Variants in CLDN22 observed in about 807,000 individuals in gnomAD.
The protein encoded by CLDN22 is claudin 22.
For missense variants in CLDN22, 227 were observed against 252.2 expected (o/e 0.90, Z 0.68); for synonymous variants, 86 against 107.9 (o/e 0.80, Z 1.26).
chr4:183,319,757 T>G lies in CLDN22; in HGVS notation c.462A>C (p.Pro154=), dbSNP rs1739572922. ...CAAACTCCCACCTGGGGACAAAGTC[T>G]GGGACGTTCTCATCCCAGAACTCCT... ...TVQEFWDENV[P]DFVPRWEFGE... is the part of the protein sequence containing the mutation. The change falls in exon 1 of 1, where the codon CCA becomes CCC. Residue 154 remains proline (P), a synonymous_variant. Transcript: ENST00000323319. 9 of 1,613,976 alleles carry G rather than the reference T, an allele frequency of 5.6e-6. No homozygotes were observed. The highest frequency in any genetic ancestry group is 7.6e-6 in the Non-Finnish European group (9 of 1,179,910).
At position 183,318,138 on chromosome 4, in the gene CLDN22, A is replaced by T. The variant is rs1055619746; in HGVS notation, c.*1418T>A. The T allele has an allele frequency of 2.0e-5, 3 of 152,448 alleles. No homozygotes were observed. Among genetic ancestry groups the T allele is most frequent in the African/African-American group, 7.2e-5 (3 of 41,446 alleles). 9.4% of individuals were successfully genotyped at this position (152,448 alleles called of 1,614,324 possible). ...TAGAATTTATTCGCACAGGGTAAAA[A>T]GAATGTAATATTTAGTTCTCAAGTT... On this transcript the variant is annotated 3_prime_UTR_variant, in exon 1 of 1. Coordinates refer to ENST00000323319, the MANE Select transcript of CLDN22 (RefSeq NM_001111319.3).
Position 183,319,498 on chromosome 4 carries a change from T to C in CLDN22, c.*58A>G. ...GTGAGATGACTAGAGCGGGACATCCTACCAAATCCAGTGTTGAGCAAGCGT... is the reference window on the plus strand; with the variant it reads ...GTGAGATGACTAGAGCGGGACATCCCACCAAATCCAGTGTTGAGCAAGCGT... On this transcript the variant is annotated 3_prime_UTR_variant, in exon 1 of 1. Coordinates refer to ENST00000323319, the MANE Select transcript of CLDN22 (RefSeq NM_001111319.3). 1.3e-6 allele frequency: 2 copies of C among 1,496,512 alleles called. No individual in the cohort carries two copies. The highest frequency in any genetic ancestry group is 1.3e-5 in the South Asian group (1 of 75,176). 92.7% of individuals were successfully genotyped at this position (1,496,512 alleles called of 1,614,324 possible).
chr4:183,319,994 A>G lies in CLDN22; in HGVS notation c.225T>C (p.Ala75=), dbSNP rs150990141. The G allele has an allele frequency of 9.6e-4, 1,550 of 1,613,802 alleles. 15 individuals are homozygous for G. In the African/African-American group the frequency reaches 0.019, roughly 19 times the overall value. Residue 75 remains alanine, a synonymous_variant, in exon 1 of 1, where the codon GCT becomes GCC. Transcript: ENST00000323319. ...KDFDSFLALP[A]ELRVSRILMF... The stretch of plus-strand genomic sequence containing the variant: ...TTAAGATCCTGGAGACCCTGAGTTC[A>G]GCAGGCAAAGCCAGGAAGGAGTCAA...
At position 183,319,305 on chromosome 4, in the gene CLDN22, G is replaced by T. The variant is rs950569781; in HGVS notation, c.*251C>A. 4.8e-6 allele frequency: 2 copies of T among 414,812 alleles called. No homozygotes were observed. The highest frequency in any genetic ancestry group is 2.0e-5 in the African/African-American group (1 of 50,300). The allele number at this position is 414,812 out of a possible 1,614,324, so 25.7% of individuals were successfully genotyped here. A position where few individuals can be genotyped will look rare whatever the true frequency, so the allele number is the denominator to read the frequency against. On this transcript the variant is annotated 3_prime_UTR_variant, in exon 1 of 1. Coordinates refer to ENST00000323319, the MANE Select transcript of CLDN22 (RefSeq NM_001111319.3). The stretch of plus-strand genomic sequence containing the variant: ...TTTTATTTACCACTTCTGTGCAATC[G>T]CTATTTTAAAATTGAGAAAACTCAT...
At position 183,319,888 on chromosome 4, in the gene CLDN22, G is replaced by A; in HGVS notation, c.331C>T (p.Gln111Ter). ...GLDCLRIGES[Q>*]RDLKRRLLIL... is the part of the protein sequence containing the mutation. Reference sequence around the variant, plus strand: ...AGCAGTCGCCTCTTGAGATCTCTCTGACTCTCTCCAATTCTCAAACAGTCC... The same window carrying A: ...AGCAGTCGCCTCTTGAGATCTCTCTAACTCTCTCCAATTCTCAAACAGTCC... The change falls in exon 1 of 1, where the codon CAG becomes TAG. Residue 111 changes from glutamine to a stop codon, truncating the protein, a stop_gained. Transcript: ENST00000323319. LOFTEE classifies it low-confidence loss of function (END_TRUNC). 1 of 1,613,898 alleles carries A rather than the reference G, an allele frequency of 6.2e-7. No homozygotes were observed. The highest frequency in any genetic ancestry group is 8.5e-7 in the Non-Finnish European group (1 of 1,179,868).
Position 183,319,544 on chromosome 4 carries a change from G to T in CLDN22, c.*12C>A. ...AGCGTCTCCTGAACAGCAGACGCTT[G>T]TCCTTTCTGGCTTAGTGTTTCAGGT... On this transcript the variant is annotated 3_prime_UTR_variant, in exon 1 of 1. Coordinates refer to ENST00000323319, the MANE Select transcript of CLDN22 (RefSeq NM_001111319.3). The T allele has an allele frequency of 6.2e-7, 1 of 1,600,366 alleles. No homozygotes were observed. The highest frequency in any genetic ancestry group is 1.3e-5 in the African/African-American group (1 of 74,570).
rs1418311821 is a variant in CLDN22 at position 183,318,753 on chromosome 4, T to C, written c.*803A>G. The C allele has an allele frequency of 6.6e-6, 1 of 152,214 alleles. No homozygotes were observed. Among genetic ancestry groups the C allele is most frequent in the African/African-American group, 2.4e-5 (1 of 41,448 alleles). The allele number at this position is 152,214 out of a possible 1,614,324, so 9.4% of individuals were successfully genotyped here. A position where few individuals can be genotyped will look rare whatever the true frequency, so the allele number is the denominator to read the frequency against. Reference sequence around the variant, plus strand: ...AAATAAAATGAAGGGCTCCAGAATATGTGCTCTGTGGTCGCTGCGCCTGGG... The same window carrying C: ...AAATAAAATGAAGGGCTCCAGAATACGTGCTCTGTGGTCGCTGCGCCTGGG... On this transcript the variant is annotated 3_prime_UTR_variant, in exon 1 of 1. Coordinates refer to ENST00000323319, the MANE Select transcript of CLDN22 (RefSeq NM_001111319.3).
In CLDN22 at chr4:183,319,966, A is replaced by G. The variant is rs1315893156; in HGVS notation, c.253T>C (p.Phe85Leu). 1 of 1,613,378 alleles carries G rather than the reference A, an allele frequency of 6.2e-7. No individual in the cohort carries two copies. Among genetic ancestry groups the G allele is most frequent in the Non-Finnish European group, 8.5e-7 (1 of 1,179,600 alleles). The change falls in exon 1 of 1, where the codon TTT becomes CTT. Residue 85 changes from phenylalanine (F) to leucine (L), a missense_variant. By Grantham distance (22) the Phe-to-Leu change is conservative. Coordinates refer to ENST00000323319, the MANE Select transcript of CLDN22 (RefSeq NM_001111319.3). Reference sequence around the variant, plus strand: ...AGAAATCCCAGCCCATTTGACAGAAACATTAAGATCCTGGAGACCCTGAGT... The same window carrying G: ...AGAAATCCCAGCCCATTTGACAGAAGCATTAAGATCCTGGAGACCCTGAGT... ...AELRVSRILM[F>L]LSNGLGFLGL... is the part of the protein sequence containing the mutation.
chr4:183,320,211 A>G lies in CLDN22; in HGVS notation c.8T>C (p.Leu3Ser). The change falls in exon 1 of 1, where the codon TTA (leucine) becomes TCA (serine). Residue 3 changes from leucine (L) to serine (S), a missense_variant. Transcript: ENST00000323319. ...TAGTTGAGCTACAGTTCTAAATACT[A>G]AAGCCATTATAATGTCCTGAGAGCT... MA[L>S]VFRTVAQLAG... is the part of the protein sequence containing the mutation. 1 of 1,613,058 alleles carries G rather than the reference A, an allele frequency of 6.2e-7. No individual in the cohort carries two copies. Among genetic ancestry groups the G allele is most frequent in the Non-Finnish European group, 8.5e-7 (1 of 1,179,568 alleles).
Position 183,319,734 on chromosome 4 carries a change from A to C in CLDN22, c.485T>G (p.Phe162Cys). ...NVPDFVPRWE[F>C]GEALFLGWFA... Reference sequence around the variant, plus strand: ...CCAGCCCAGAAACAGGGCCTCCCCAAACTCCCACCTGGGGACAAAGTCTGG... The same window carrying C: ...CCAGCCCAGAAACAGGGCCTCCCCACACTCCCACCTGGGGACAAAGTCTGG... Residue 162 changes from phenylalanine (F) to cysteine (C), a missense_variant, in exon 1 of 1, where the codon TTT becomes TGT. Coordinates refer to ENST00000323319, the MANE Select transcript of CLDN22 (RefSeq NM_001111319.3). 6.2e-7 allele frequency: 1 copy of C among 1,613,974 alleles called. No homozygotes were observed. The highest frequency in any genetic ancestry group is 2.2e-5 in the East Asian group (1 of 44,880).
rs1030486601 is a variant in CLDN22, at chr4:183,319,445, A to C, written c.*111T>G. 206 of 1,130,864 alleles carry C rather than the reference A, an allele frequency of 1.8e-4. 1 individual carries two copies. The highest frequency in any genetic ancestry group is 2.4e-5 in the Non-Finnish European group (19 of 789,472). 70.1% of individuals were successfully genotyped at this position (1,130,864 alleles called of 1,614,324 possible). On this transcript the variant is annotated 3_prime_UTR_variant, in exon 1 of 1. Coordinates refer to ENST00000323319, the MANE Select transcript of CLDN22 (RefSeq NM_001111319.3). ...ACTATAGTTTAATAGCCACAGGAAA[A>C]GATGCATTTTCAAAAATCAAAAGCA...
rs1028813352 is a variant in CLDN22, at chr4:183,318,134, A to G, written c.*1422T>C. 13 of 152,416 alleles carry G rather than the reference A, an allele frequency of 8.5e-5. No individual in the cohort carries two copies. Among genetic ancestry groups the G allele is most frequent in the African/African-American group, 2.9e-4 (12 of 41,450 alleles). The allele number at this position is 152,416 out of a possible 1,614,324, so 9.4% of individuals were successfully genotyped here. ...AAGGTAGAATTTATTCGCACAGGGT[A>G]AAAAGAATGTAATATTTAGTTCTCA... On this transcript the variant is annotated 3_prime_UTR_variant, in exon 1 of 1. Transcript: ENST00000323319.
At position 183,319,348 on chromosome 4, in the gene CLDN22, A is replaced by C. The variant is rs1739553853; in HGVS notation, c.*208T>G. On this transcript the variant is annotated 3_prime_UTR_variant, in exon 1 of 1. Coordinates refer to ENST00000323319, the MANE Select transcript of CLDN22 (RefSeq NM_001111319.3). ...AAACTCATCCACAGTAATGGGTGTC[A>C]TTACTATTCAGTCTTGATTGATTTT... 1.8e-6 allele frequency: 1 copy of C among 552,116 alleles called. No homozygotes were observed. Among genetic ancestry groups the C allele is most frequent in the African/African-American group, 1.9e-5 (1 of 53,772 alleles). 34.2% of individuals were successfully genotyped at this position (552,116 alleles called of 1,614,324 possible).
rs1030150430 is a variant in CLDN22 at position 183,319,984 on chromosome 4, C to T, written c.235G>A (p.Val79Ile). The T allele has an allele frequency of 6.2e-7, 1 of 1,613,610 alleles. No homozygotes were observed. Among genetic ancestry groups the T allele is most frequent in the African/African-American group, 1.3e-5 (1 of 74,846 alleles). ...GACAGAAACATTAAGATCCTGGAGACCCTGAGTTCAGCAGGCAAAGCCAGG... is the reference window on the plus strand; with the variant it reads ...GACAGAAACATTAAGATCCTGGAGATCCTGAGTTCAGCAGGCAAAGCCAGG... ...SFLALPAELR[V>I]SRILMFLSNG... The change falls in exon 1 of 1, where the codon GTC (valine) becomes ATC (isoleucine). Residue 79 changes from valine (V) to isoleucine (I), a missense_variant. Transcript: ENST00000323319.
chr4:183,319,660 C>G lies in CLDN22; in HGVS notation c.559G>C (p.Ala187Pro). ...GCTAGGGGAGCGTGGCTGGAGCAGG[C>G]TGCACAGTGGAGCAGACACCCTCCT... is the stretch of plus-strand genomic sequence containing the variant. ...LLGGCLLHCA[A>P]CSSHAPLASG... The change falls in exon 1 of 1, where the codon GCC becomes CCC. Residue 187 changes from alanine (A) to proline (P), a missense_variant. Transcript: ENST00000323319. 4 of 1,614,148 alleles carry G rather than the reference C, an allele frequency of 2.5e-6. No homozygotes were observed. The highest frequency in any genetic ancestry group is 3.4e-6 in the Non-Finnish European group (4 of 1,180,036).
In CLDN22 at chr4:183,320,130, A is replaced by G; in HGVS notation, c.89T>C (p.Leu30Pro). 1 of 1,614,114 alleles carries G rather than the reference A, an allele frequency of 6.2e-7. No homozygotes were observed. Among genetic ancestry groups the G allele is most frequent in the Non-Finnish European group, 8.5e-7 (1 of 1,180,022 alleles). Residue 30 changes from leucine (L) to proline (P), a missense_variant, in exon 1 of 1, where the codon CTG (leucine) becomes CCG (proline). Physicochemically the swap from Leu to Pro is moderately conservative, Grantham distance 98 (BLOSUM62 -3). Coordinates refer to ENST00000323319, the MANE Select transcript of CLDN22 (RefSeq NM_001111319.3). ...CAGGTTGAGGTTCTTCCAGTGTGGC[A>G]GGTAGTTTGTAAGACAGGATAAAAC... is the stretch of plus-strand genomic sequence containing the variant. ...GWVLSCLTNYLPHWKNLNLDL... is the reference protein window; with the variant it reads ...GWVLSCLTNYPPHWKNLNLDL...
Position 183,320,138 on chromosome 4 carries a change from T to A in CLDN22, c.81A>T (p.Thr27=). 6.2e-7 allele frequency: 1 copy of A among 1,614,140 alleles called. No homozygotes were observed. Residue 27 remains threonine, a synonymous_variant, in exon 1 of 1, where the codon ACA becomes ACT. Coordinates refer to ENST00000323319, the MANE Select transcript of CLDN22 (RefSeq NM_001111319.3). ...SLLGWVLSCL[T]NYLPHWKNLN... is the part of the protein sequence containing the mutation. ...GGTTCTTCCAGTGTGGCAGGTAGTT[T>A]GTAAGACAGGATAAAACCCATCCCA...
rs1353282969 is a variant in CLDN22, at chr4:183,320,256, C to T, written c.-38G>A. On this transcript the variant is annotated 5_prime_UTR_variant, in exon 1 of 1. Transcript: ENST00000323319. Reference sequence around the variant, plus strand: ...AGAGCTTTAGCCAAACTAACTCCTGCCCTTCGGTTGCTGTGAAAAGAAGTG... The same window carrying T: ...AGAGCTTTAGCCAAACTAACTCCTGTCCTTCGGTTGCTGTGAAAAGAAGTG... 1 of 1,557,260 alleles carries T rather than the reference C, an allele frequency of 6.4e-7. No individual in the cohort carries two copies. The highest frequency in any genetic ancestry group is 2.2e-5 in the East Asian group (1 of 44,478).
At position 183,318,766 on chromosome 4, in the gene CLDN22, C is replaced by T. The variant is rs925602243; in HGVS notation, c.*790G>A. On this transcript the variant is annotated 3_prime_UTR_variant, in exon 1 of 1. Transcript: ENST00000323319. Reference sequence around the variant, plus strand: ...GGCTCCAGAATATGTGCTCTGTGGTCGCTGCGCCTGGGCTGGCAGTGTGCT... The same window carrying T: ...GGCTCCAGAATATGTGCTCTGTGGTTGCTGCGCCTGGGCTGGCAGTGTGCT... 3 of 152,138 alleles carry T rather than the reference C, an allele frequency of 2.0e-5. No individual in the cohort carries two copies. Among genetic ancestry groups the T allele is most frequent in the South Asian group, 4.1e-4 (2 of 4,824 alleles). The allele number at this position is 152,138 out of a possible 1,614,324, so 9.4% of individuals were successfully genotyped here. A position where few individuals can be genotyped will look rare whatever the true frequency, so the allele number is the denominator to read the frequency against.
Sources: allele counts gnomAD v4.1 joint callset, GRCh38; gene constraint gnomAD v4.1.1; transcripts MANE v1.5; gene names NCBI Gene and HGNC (gene_info 2026-07-23, HGNC 2026-07-21).